The following SGCD variants were observed in gnomAD, a reference collection of about 807,000 sequenced individuals.
SGCD encodes delta-sarcoglycan.
In SGCD, 18 loss-of-function variants were observed where a neutral mutation model predicts 36.6. That is an observed-to-expected ratio of 0.49 (90% CI 0.34 to 0.73). The LOEUF (loss-of-function observed/expected upper bound fraction) is 0.73. SGCD is among the 30% of genes least tolerant of loss of function. The pLI, the probability that SGCD is intolerant of heterozygous loss-of-function variation, is 0.01. For missense variants in SGCD, 387 were observed against 346.7 expected (o/e 1.12, Z -0.92); for synonymous variants, 133 against 130.6 (o/e 1.02, Z -0.12).
intron 6 of SGCD, among the ~76,000 whole-genome samples, chr5:156,612,740 A>G (rs1344304685): frequency 2.0e-5 from 3 of 152,148 alleles, no homozygotes; most frequent in Admixed American, 1.3e-4. Context: ...GAGAGGTGCA[A>G]TGGCTACCAC....
intron 3 of SGCD, among the ~76,000 whole-genome samples, chr5:156,442,159 T>G (rs901393678): frequency 3.3e-5 from 5 of 152,188 alleles, no homozygotes; most frequent in African/African-American, 1.2e-4. Context: ...GGCAGAGCAG[T>G]GATCGAGTGT....
At chr5:156,024,451 C>G (rs1449091924) in intron 1 of SGCD, among the ~76,000 whole-genome samples, 1 of 151,776 alleles carries the variant, frequency 6.6e-6, no homozygotes, top group African/African-American at 2.4e-5. Context: ...CATTTCCAAC[C>G]TAGTTGTCTG....
intron 3 of SGCD, among the ~76,000 whole-genome samples, chr5:156,298,739 A>T (rs1489514522): frequency 6.6e-6 from 1 of 151,594 alleles, no homozygotes; most frequent in Non-Finnish European, 1.5e-5. Flanking sequence ...CCCATTTATT[A>T]AGCATTCTTT....
chr5:155,994,482 C>A (rs1424960903), intron 1 of SGCD, among the ~76,000 whole-genome samples: 1 of 152,088 alleles, frequency 6.6e-6, no homozygotes, highest in African/African-American at 2.4e-5. Context: ...TGGCAGGAAG[C>A]AAGGTCATAT....
chr5:156,008,705 G>T (rs1198561623), intron 1 of SGCD, among the ~76,000 whole-genome samples: 1 of 152,104 alleles, frequency 6.6e-6, no homozygotes, highest in African/African-American at 2.4e-5. Flanking sequence ...GACACCAGTT[G>T]TATTGGATTA....
In SGCD at chr5:155,877,917, A is replaced by G. The variant is rs140376135; in HGVS notation, c.-282+7493A>G. Reference sequence around the variant, plus strand: ...ATGTTAAGGTCAAACTCTGTCTCATACCATTTGTCTTTCCTGAAAACTTAA... The same window carrying G: ...ATGTTAAGGTCAAACTCTGTCTCATGCCATTTGTCTTTCCTGAAAACTTAA... On this transcript the variant is annotated intron_variant, in intron 1 of 9. Transcript: ENST00000517913. Among the ~76,000 whole-genome samples, 1,187 of 152,140 alleles carry G rather than the reference A, an allele frequency of 7.8e-3. 16 individuals carry two copies. Among genetic ancestry groups the G allele is most frequent in the African/African-American group, 0.027 (1,133 of 41,520 alleles).
At chr5:156,685,690 G>T (rs157456) in intron 7 of SGCD, among the ~76,000 whole-genome samples, 4 of 152,150 alleles carry the variant, frequency 2.6e-5, no homozygotes, top group African/African-American at 9.7e-5. Context: ...GGGAGATAAT[G>T]GGGATATTGT....
chr5:156,051,035 C>T (rs2127581118), intron 1 of SGCD, among the ~76,000 whole-genome samples: 1 of 146,586 alleles, frequency 6.8e-6, no homozygotes, highest in African/African-American at 2.4e-5. Flanking sequence ...AACCATTACT[C>T]AGCCTTTCAC....
chr5:156,679,874 TGACTATA>T (rs1753657166), intron 7 of SGCD, among the ~76,000 whole-genome samples: 1 of 152,208 alleles, frequency 6.6e-6, no homozygotes, highest in Non-Finnish European at 1.5e-5. Flanking sequence ...GTTACTCAAG[TGACTATA>T]GACTAATGCC....
intron 3 of SGCD, among the ~76,000 whole-genome samples, chr5:156,235,533 A>G (rs958829579): frequency 1.3e-5 from 2 of 152,208 alleles, no homozygotes; most frequent in African/African-American, 2.4e-5. Flanking sequence ...CTGAGGACAG[A>G]TGTAGCCTAT....
intron 7 of SGCD, among the ~76,000 whole-genome samples, chr5:156,687,587 G>T (rs1455181213): frequency 6.6e-6 from 1 of 152,148 alleles, no homozygotes; most frequent in African/African-American, 2.4e-5. Context: ...GCCGCACATT[G>T]AAGAAGACAG....
intron 6 of SGCD, among the ~76,000 whole-genome samples, chr5:156,616,248 A>T (rs188805683): frequency 3.3e-5 from 5 of 152,340 alleles, no homozygotes; most frequent in African/African-American, 1.2e-4. Context: ...GTGGACTGTC[A>T]TGGACCATAG....
At chr5:156,029,561 C>T (rs1331858006) in intron 1 of SGCD, among the ~76,000 whole-genome samples, 2 of 152,128 alleles carry the variant, frequency 1.3e-5, no homozygotes, top group African/African-American at 4.8e-5. Context: ...GAATGAAGTC[C>T]AGGGTTGTAT....
chr5:156,208,770 T>C (rs1488751743), intron 3 of SGCD, among the ~76,000 whole-genome samples: 1 of 152,238 alleles, frequency 6.6e-6, no homozygotes, highest in Non-Finnish European at 1.5e-5. Context: ...GACAAACTCC[T>C]AGTTGGTCAT....
chr5:156,638,617 T>C (rs1762918806), intron 6 of SGCD, among the ~76,000 whole-genome samples: 1 of 152,216 alleles, frequency 6.6e-6, no homozygotes, highest in Non-Finnish European at 1.5e-5. Context: ...TGAAATTGTT[T>C]GTTATACTGT....
intron 1 of SGCD, among the ~76,000 whole-genome samples, chr5:156,038,761 C>A (rs1759560094): frequency 6.6e-6 from 1 of 152,148 alleles, no homozygotes; most frequent in African/African-American, 2.4e-5. Flanking sequence ...CCTTGGGGAT[C>A]TTTGCACTGT....
chr5:156,558,159 T>G (rs987618598), intron 4 of SGCD, among the ~76,000 whole-genome samples: 3 of 144,242 alleles, frequency 2.1e-5, no homozygotes, highest in African/African-American at 7.7e-5. Context: ...TTTGAGATAT[T>G]AATTAAGTGT....
the SGCD span, among the ~76,000 whole-genome samples, chr5:155,823,487 C>T: frequency 6.6e-6 from 1 of 152,076 alleles, no homozygotes; most frequent in African/African-American, 2.4e-5. Flanking sequence ...AACACACCCC[C>T]AGAAGTAACA....
chr5:156,533,835 G>T (rs745626695), intron 4 of SGCD, among the ~76,000 whole-genome samples: 1 of 152,150 alleles, frequency 6.6e-6, no homozygotes, highest in Non-Finnish European at 1.5e-5. Flanking sequence ...ATAAGTGCAA[G>T]AACCCATAAT....
Sources: allele counts gnomAD v4.1 joint callset (sites outside exome capture counted in the v4.1 genomes callset), GRCh38; gene constraint gnomAD v4.1.1; transcripts MANE v1.5; gene names NCBI Gene and HGNC (gene_info 2026-07-23, HGNC 2026-07-21).